The following ZNF423 variants were observed in gnomAD, a reference collection of about 807,000 sequenced individuals.
The protein encoded by ZNF423 is zinc finger protein 423.
In ZNF423, 12 loss-of-function variants were observed where a neutral mutation model predicts 95.8. That is an observed-to-expected ratio of 0.13 (90% CI 0.08 to 0.20). ZNF423 has a LOEUF of 0.20. ZNF423 is among the 10% of genes least tolerant of loss of function. The probability of loss-of-function intolerance (pLI) is 1.00; values close to 1 mark genes in which losing one functional copy is unlikely to be tolerated. For missense variants in ZNF423, 1,316 were observed against 1,737.1 expected (o/e 0.76, Z 4.31); for synonymous variants, 749 against 711.9 (o/e 1.05, Z -0.83).
rs565174937 is a variant in ZNF423 at position 49,498,259 on chromosome 16, C to T, written c.3850-6955G>A. ...TATTTTACAGATGAGAAAACTGAGGCGCAGAGAGGCCCAGGTCCTGCCACT... is the reference window on the plus strand; with the variant it reads ...TATTTTACAGATGAGAAAACTGAGGTGCAGAGAGGCCCAGGTCCTGCCACT... On this transcript the variant is annotated intron_variant, in intron 7 of 7. Transcript: ENST00000563137. Among the ~76,000 whole-genome samples the T allele has an allele frequency of 2.3e-3, 349 of 152,324 alleles. 2 individuals carry two copies. Among genetic ancestry groups the T allele is most frequent in the Admixed American group, 8.6e-3 (131 of 15,304 alleles).
chr16:49,584,700 C>T (rs1970770325), intron 5 of ZNF423, among the ~76,000 whole-genome samples: 1 of 152,140 alleles, frequency 6.6e-6, no homozygotes, highest in Non-Finnish European at 1.5e-5. Context: ...GTCCTCTGAG[C>T]ACATGCATCC....
chr16:49,516,528 G>C (rs1968151956), intron 7 of ZNF423, among the ~76,000 whole-genome samples: 1 of 152,218 alleles, frequency 6.6e-6, no homozygotes. Flanking sequence ...CTTACGGCTG[G>C]TGCATGACAG....
At chr16:49,561,475 C>T (rs989697054) in intron 5 of ZNF423, among the ~76,000 whole-genome samples, 1 of 152,106 alleles carries the variant, frequency 6.6e-6, no homozygotes, top group Admixed American at 6.5e-5. Flanking sequence ...TGTATACTCC[C>T]CTTAATCCAT....
chr16:49,501,367 G>A (rs1486541022), intron 7 of ZNF423, among the ~76,000 whole-genome samples: 1 of 152,190 alleles, frequency 6.6e-6, no homozygotes, highest in Admixed American at 6.5e-5. Flanking sequence ...CAAGAAAACT[G>A]GAAATTTAGA....
At chr16:49,657,715 C>A (rs774153504) in intron 3 of ZNF423, among the ~76,000 whole-genome samples, 2 of 152,252 alleles carry the variant, frequency 1.3e-5, no homozygotes, top group East Asian at 3.9e-4. Context: ...CTTTCCCTGG[C>A]CCTGTCTCCT....
At chr16:49,510,870 G>A (rs971388827) in intron 7 of ZNF423, among the ~76,000 whole-genome samples, 4 of 152,228 alleles carry the variant, frequency 2.6e-5, no homozygotes, top group African/African-American at 4.8e-5. Context: ...AATGGCCACC[G>A]GCCTGAGGCT....
At chr16:49,756,269 C>T (rs1245633902) in intron 2 of ZNF423, among the ~76,000 whole-genome samples, 1 of 152,196 alleles carries the variant, frequency 6.6e-6, no homozygotes, top group Non-Finnish European at 1.5e-5. Flanking sequence ...GTCTAAGAGG[C>T]TCTAAGTGTG....
chr16:49,538,578 C>T (rs1375620173), intron 5 of ZNF423, among the ~76,000 whole-genome samples: 1 of 152,150 alleles, frequency 6.6e-6, no homozygotes, highest in Non-Finnish European at 1.5e-5. Context: ...CCCTTTTTCC[C>T]AGTGCAAAGC....
intron 3 of ZNF423, among the ~76,000 whole-genome samples, chr16:49,728,775 C>T (rs2033090669): frequency 6.6e-6 from 1 of 152,090 alleles, no homozygotes; most frequent in South Asian, 2.1e-4. Context: ...CTCTGTCACC[C>T]AGGCCAGAGT....
intron 1 of ZNF423, among the ~76,000 whole-genome samples, chr16:49,843,001 G>T (rs1184468157): frequency 6.7e-6 from 1 of 149,126 alleles, no homozygotes; most frequent in African/African-American, 2.5e-5. Context: ...AAAGGAAAAA[G>T]AAAAAACAAA....
intron 3 of ZNF423, among the ~76,000 whole-genome samples, chr16:49,665,329 G>A (rs958059637): frequency 8.5e-5 from 13 of 152,314 alleles, no homozygotes; most frequent in African/African-American, 3.1e-4. Context: ...AGGGTAGGAG[G>A]GTGAGCCACA....
At chr16:49,856,749 C>T (rs1412046161), upstream of ZNF423, among the ~76,000 whole-genome samples, 3 of 147,016 alleles carry the variant, frequency 2.0e-5, no homozygotes, top group Non-Finnish European at 4.5e-5. Flanking sequence ...TCGCTCAGCC[C>T]GTGCGCCGGG....
chr16:49,827,520 CTTT>C (rs33953484), intron 1 of ZNF423, among the ~76,000 whole-genome samples: 19 of 149,452 alleles, frequency 1.3e-4, no homozygotes, highest in East Asian at 3.9e-4. Flanking sequence ...GAACAGCTAA[CTTT>C]TTTTTTTTTT....
At chr16:49,838,597 G>T (rs1042369630) in intron 1 of ZNF423, among the ~76,000 whole-genome samples, 1 of 151,952 alleles carries the variant, frequency 6.6e-6, no homozygotes, top group Non-Finnish European at 1.5e-5. Context: ...TCTGGCTGGC[G>T]GGCCCGCAGC....
chr16:49,578,536 CAG>C (rs1199625503), intron 5 of ZNF423, among the ~76,000 whole-genome samples: 5 of 152,182 alleles, frequency 3.3e-5, no homozygotes, highest in Admixed American at 1.3e-4. Flanking sequence ...GAGCAGAAAA[CAG>C]AGTTTGTTTC....
chr16:49,792,406 G>T (rs559096824), intron 1 of ZNF423, among the ~76,000 whole-genome samples: 1 of 152,318 alleles, frequency 6.6e-6, no homozygotes, highest in South Asian at 2.1e-4. Context: ...TCTGTGCTGG[G>T]TCCCAGAAGT....
intron 1 of ZNF423, among the ~76,000 whole-genome samples, chr16:49,799,706 T>G (rs1180341243): frequency 1.3e-5 from 2 of 152,194 alleles, no homozygotes; most frequent in Non-Finnish European, 2.9e-5. Flanking sequence ...CCTCCATCTT[T>G]CCCTAATAAA....
intron 7 of ZNF423, among the ~76,000 whole-genome samples, chr16:49,506,165 C>T (rs1023250233): frequency 1.3e-5 from 2 of 152,158 alleles, no homozygotes; most frequent in Admixed American, 6.5e-5. Flanking sequence ...ATCCGAAAAG[C>T]TGTGTGGTTC....
intron 4 of ZNF423, among the ~76,000 whole-genome samples, chr16:49,630,448 C>G (rs536360029): frequency 3.9e-5 from 6 of 152,176 alleles, no homozygotes; most frequent in African/African-American, 1.2e-4. Flanking sequence ...GAAGCACATC[C>G]CAGGAAGGGA....
Sources: gnomAD v4.1 joint callset for allele counts (sites outside exome capture counted in the v4.1 genomes callset) on GRCh38, gnomAD v4.1.1 for gene constraint, MANE v1.5 for transcripts, NCBI Gene and HGNC (gene_info 2026-07-23, HGNC 2026-07-21) for gene names.